Variants in SLC5A11 observed in about 807,000 individuals in gnomAD.
SLC5A11 encodes the protein sodium/myo-inositol cotransporter 2.
A neutral mutation model predicts 69.8 loss-of-function variants in SLC5A11; 48 were observed. That is an observed-to-expected ratio of 0.69 (90% CI 0.55 to 0.87). The LOEUF (loss-of-function observed/expected upper bound fraction) is 0.87, where lower values mean the gene tolerates loss of function less well. SLC5A11 is among the 40% of genes least tolerant of loss of function. SLC5A11 has a pLI of 0.00. For synonymous variants in SLC5A11, 319 were observed against 342.4 expected, an observed-to-expected ratio of 0.93 and a Z score of 0.75; for missense variants, 784 against 866.1, an observed-to-expected ratio of 0.91 and a Z score of 1.19.
intron 3 of SLC5A11, among the ~76,000 whole-genome samples, chr16:24,863,912 G>A (rs866861357): frequency 1.4e-4 from 22 of 152,078 alleles, no homozygotes; most frequent in African/African-American, 2.7e-4. Flanking sequence ...TGTTTTACCC[G>A]TCACCTGTTC....
At chr16:24,847,411 TTC>T (rs148693295) in intron 1 of SLC5A11, among the ~76,000 whole-genome samples, 9 of 151,392 alleles carry the variant, frequency 5.9e-5, no homozygotes, top group Admixed American at 2.0e-4. Context: ...GTGTTTTCTG[TTC>T]TCTCTCTCTC....
At chr16:24,858,146 T>C (rs557362770) in intron 1 of SLC5A11, among the ~76,000 whole-genome samples, 1 of 152,314 alleles carries the variant, frequency 6.6e-6, no homozygotes, top group African/African-American at 2.4e-5. Flanking sequence ...AGATGCAATA[T>C]GAGTGTTTAT....
At chr16:24,853,663 C>T (rs1310088205) in intron 1 of SLC5A11, among the ~76,000 whole-genome samples, 1 of 152,226 alleles carries the variant, frequency 6.6e-6, no homozygotes, top group Non-Finnish European at 1.5e-5. Flanking sequence ...ATCCCACCCG[C>T]GGCACTGACT....
chr16:24,852,993 T>C (rs61469342), intron 1 of SLC5A11, among the ~76,000 whole-genome samples: 4 of 139,878 alleles, frequency 2.9e-5, no homozygotes, highest in African/African-American at 5.2e-5. Flanking sequence ...GTTTGTTCTA[T>C]TGAGTCCCCA....
chr16:24,911,308 C>T lies in SLC5A11; in HGVS notation c.1823-20C>T. The T allele has an allele frequency of 1.2e-6, 2 of 1,613,144 alleles. No homozygotes were observed. Among genetic ancestry groups the T allele is most frequent in the Non-Finnish European group, 1.7e-6 (2 of 1,179,796 alleles). On this transcript the variant is annotated intron_variant, in intron 15 of 15. Coordinates refer to ENST00000347898, the Ensembl canonical transcript of SLC5A11. ...GATACAGACCACCTCTACGGTCTTC[C>T]TTTGCTGGGTTCTTTCTAGGTGACA...
chr16:24,889,422 C>G (rs1235522504), intron 8 of SLC5A11, among the ~76,000 whole-genome samples: 1 of 151,732 alleles, frequency 6.6e-6, no homozygotes, highest in Non-Finnish European at 1.5e-5. Flanking sequence ...TTCAAGGTTA[C>G]AGTGAGCTAT....
intron 5 of SLC5A11, among the ~76,000 whole-genome samples, chr16:24,872,687 A>AT (rs112261900): frequency 0.19 from 27,913 of 146,220 alleles, 2,707 homozygotes; most frequent in Non-Finnish European, 0.22. Flanking sequence ...TAATTTTTGC[A>AT]TTTTTTTTTT....
intron 4 of SLC5A11, 34 bp from the exon 6 acceptor site, chr16:24,872,126 G>A (rs2047341728): frequency 1.2e-6 from 2 of 1,613,732 alleles, no homozygotes; most frequent in Non-Finnish European, 1.7e-6. Flanking sequence ...GTTGTGAGCT[G>A]GGGGCCAAGT....
intron 8 of SLC5A11, among the ~76,000 whole-genome samples, chr16:24,888,292 A>G (rs976542156): frequency 6.6e-6 from 1 of 152,088 alleles, no homozygotes; most frequent in Non-Finnish European, 1.5e-5. Flanking sequence ...CTGGGTCACA[A>G]AGGAAGTAAA....
chr16:24,877,205 A>G (rs1226940751), intron 6 of SLC5A11, 53 bp from the exon 8 acceptor site: 6 of 1,601,870 alleles, frequency 3.7e-6, no homozygotes, highest in Non-Finnish European at 5.1e-6. Flanking sequence ...GCAAATGTCC[A>G]CTCATTCATT....
intron 3 of SLC5A11, among the ~76,000 whole-genome samples, chr16:24,863,288 C>T (rs1174374412): frequency 1.3e-5 from 2 of 152,112 alleles, no homozygotes; most frequent in Non-Finnish European, 2.9e-5. Context: ...TCCAAGATGG[C>T]TTCATCCACA....
intron 8 of SLC5A11, among the ~76,000 whole-genome samples, chr16:24,888,782 CCTTTTTTTTTTTTTTTTT>C (rs2048570561): frequency 1.2e-5 from 1 of 81,926 alleles, no homozygotes; most frequent in African/African-American, 4.1e-5. Flanking sequence ...CCGTGCCTGT[CCTTTTTTTTTTTTTTTTT>C]TTTTTTTTTT....
intron 1 of SLC5A11, among the ~76,000 whole-genome samples, chr16:24,849,593 A>ATATATATATATAT (rs61292571): frequency 6.1e-4 from 22 of 35,872 alleles, no homozygotes; most frequent in Non-Finnish European, 9.5e-4. Flanking sequence ...AAAAAAAAAA[A>ATATATATATATAT]ATATATATAT....
At chr16:24,875,570 G>T in intron 5 of SLC5A11, 57 bp from the exon 7 acceptor site, 1 of 1,413,502 alleles carries the variant, frequency 7.1e-7, no homozygotes, top group Non-Finnish European at 9.9e-7. Flanking sequence ...TTGTGTGGGG[G>T]GGTCACGTGC....
chr16:24,891,217 C>A, intron 9 of SLC5A11, 143 bp downstream of exon 10: 1 of 714,886 alleles, frequency 1.4e-6, no homozygotes, highest in Non-Finnish European at 2.3e-6. Context: ...CTTTCCATTG[C>A]TCTACATGCT....
intron 10 of SLC5A11, among the ~76,000 whole-genome samples, chr16:24,905,640 G>GCGCACGCA (rs1443035551): frequency 1.0e-4 from 14 of 136,780 alleles, no homozygotes; most frequent in African/African-American, 3.9e-4. Flanking sequence ...GCGCGCGCGC[G>GCGCACGCA]CACACACACA....
At chr16:24,848,027 A>G (rs1192179380) in intron 1 of SLC5A11, among the ~76,000 whole-genome samples, 2 of 152,152 alleles carry the variant, frequency 1.3e-5, no homozygotes, top group Non-Finnish European at 2.9e-5. Context: ...ATTTATATTG[A>G]GGCCAAGAGG....
intron 10 of SLC5A11, among the ~76,000 whole-genome samples, chr16:24,905,640 GCACACACA>G (rs56335988): frequency 0.056 from 7,696 of 136,660 alleles, 243 homozygotes; most frequent in Admixed American, 0.073. Flanking sequence ...GCGCGCGCGC[GCACACACA>G]CACACACACA....
intron 14 of SLC5A11, among the ~76,000 whole-genome samples, chr16:24,909,605 C>T (rs974408806): frequency 8.0e-6 from 1 of 124,560 alleles, no homozygotes. Flanking sequence ...CATGCCACTG[C>T]ACTTCCAGCC....
Sources: allele counts gnomAD v4.1 joint callset (sites outside exome capture counted in the v4.1 genomes callset), GRCh38; gene constraint gnomAD v4.1.1; transcripts MANE v1.5; gene names NCBI Gene and HGNC (gene_info 2026-07-23, HGNC 2026-07-21).